Variants in HIBADH observed in about 807,000 individuals in gnomAD.
HIBADH encodes the protein 3-hydroxyisobutyrate dehydrogenase, mitochondrial.
Under a neutral mutation model 36.1 loss-of-function variants are expected in HIBADH, and 25 were observed. That is an observed-to-expected ratio of 0.69 (90% CI 0.50 to 0.97). HIBADH has a LOEUF of 0.97. HIBADH is among the 50% of genes least tolerant of loss of function. The pLI is 0.00. For missense variants in HIBADH, 421 were observed against 418.0 expected (o/e 1.01, Z -0.06); for synonymous variants, 160 against 149.5 (o/e 1.07, Z -0.51).
At chr7:27,527,523 T>G (rs956183684) in intron 7 of HIBADH, among the ~76,000 whole-genome samples, 4 of 152,234 alleles carry the variant, frequency 2.6e-5, no homozygotes, top group African/African-American at 9.6e-5. Flanking sequence ...TATGGGCACA[T>G]CTTGTCTTAG....
At chr7:27,615,198 A>G (rs887303622) in intron 4 of HIBADH, among the ~76,000 whole-genome samples, 4 of 152,174 alleles carry the variant, frequency 2.6e-5, no homozygotes, top group Non-Finnish European at 5.9e-5. Context: ...ATCCCTTCTG[A>G]TAACTATGAC....
chr7:27,542,438 GTTTTTTTTTTTTTTTT>G (rs150575250), intron 5 of HIBADH, among the ~76,000 whole-genome samples: 1 of 68,156 alleles, frequency 1.5e-5, no homozygotes, highest in South Asian at 6.5e-4. Flanking sequence ...TTTTTTTCCC[GTTTTTTTTTTTTTTTT>G]TTTTTTTTTT....
rs3072856 is a variant in HIBADH at position 27,555,302 on chromosome 7, CTTT to C, written c.485-12205_485-12203del. Among the ~76,000 whole-genome samples the C allele has an allele frequency of 3.2e-3, 413 of 127,406 alleles. 2 individuals carry two copies. Among genetic ancestry groups the C allele is most frequent in the African/African-American group, 0.011 (372 of 33,526 alleles). The allele number at this position is 127,406 out of a possible 152,430, so 83.6% of individuals were successfully genotyped here. On this transcript the variant is annotated intron_variant, in intron 4 of 7. Coordinates refer to ENST00000265395, the MANE Select transcript of HIBADH (RefSeq NM_152740.4). ...AGCAAAAGGAACATTTCTTGCTCTA[CTTT>C]TTTTTTTTTTTTTTTTTTAAATAAA...
At chr7:27,582,670 C>A (rs1784810232) in intron 4 of HIBADH, among the ~76,000 whole-genome samples, 1 of 152,070 alleles carries the variant, frequency 6.6e-6, no homozygotes, top group Admixed American at 6.6e-5. Flanking sequence ...GTGTATGGGA[C>A]TTTATCCAGG....
intron 4 of HIBADH, among the ~76,000 whole-genome samples, chr7:27,621,517 C>T (rs1324915936): frequency 2.6e-5 from 4 of 152,122 alleles, no homozygotes; most frequent in African/African-American, 9.7e-5. Flanking sequence ...AACAGCCAGG[C>T]GCAGTGGCTC....
chr7:27,595,840 A>T (rs898826115), intron 4 of HIBADH, among the ~76,000 whole-genome samples: 2 of 152,152 alleles, frequency 1.3e-5, no homozygotes, highest in Non-Finnish European at 2.9e-5. Flanking sequence ...ATCACTTTTT[A>T]AAAAGGCAAA....
chr7:27,573,957 A>C (rs1784665944), intron 4 of HIBADH, among the ~76,000 whole-genome samples: 1 of 152,208 alleles, frequency 6.6e-6, no homozygotes, highest in African/African-American at 2.4e-5. Context: ...AAAAAATTTT[A>C]AATTACACAT....
chr7:27,597,778 A>G (rs1019617270), intron 4 of HIBADH, among the ~76,000 whole-genome samples: 1 of 152,224 alleles, frequency 6.6e-6, no homozygotes, highest in African/African-American at 2.4e-5. Flanking sequence ...GATAGAAAAT[A>G]AAATATAAAG....
intron 1 of HIBADH, among the ~76,000 whole-genome samples, chr7:27,657,712 A>G (rs539049983): frequency 1.3e-5 from 2 of 152,280 alleles, no homozygotes; most frequent in South Asian, 2.1e-4. Flanking sequence ...TCAAAAGAGA[A>G]TAAGTTATCT....
At chr7:27,541,767 A>T (rs1420328262) in intron 5 of HIBADH, 1 of 423,812 alleles carries the variant, frequency 2.4e-6, no homozygotes. Flanking sequence ...TAAACATGAT[A>T]AAAAAATACA....
At chr7:27,594,135 G>A (rs1442331731) in intron 4 of HIBADH, among the ~76,000 whole-genome samples, 1 of 62,306 alleles carries the variant, frequency 1.6e-5, no homozygotes, top group Admixed American at 1.5e-4. Context: ...GTTACATAAA[G>A]ATGTTTTTGT....
intron 4 of HIBADH, among the ~76,000 whole-genome samples, chr7:27,608,433 A>G (rs763046558): frequency 1.4e-4 from 21 of 152,344 alleles, no homozygotes; most frequent in Non-Finnish European, 2.9e-4. Context: ...TGGCAAATAC[A>G]TAGAAAGACA....
intron 4 of HIBADH, among the ~76,000 whole-genome samples, chr7:27,608,096 A>G (rs200865319): frequency 7.9e-5 from 12 of 152,336 alleles, no homozygotes; most frequent in African/African-American, 2.6e-4. Flanking sequence ...TAGAGGCTGT[A>G]GTAGATAAAC....
chr7:27,581,875 GCTT>G (rs1382326323), intron 4 of HIBADH, among the ~76,000 whole-genome samples: 17 of 151,588 alleles, frequency 1.1e-4, no homozygotes, highest in African/African-American at 4.1e-4. Context: ...AATGGATTTA[GCTT>G]CTTGTGTTTT....
intron 4 of HIBADH, among the ~76,000 whole-genome samples, chr7:27,615,385 A>G (rs1583598940): frequency 6.6e-6 from 1 of 152,228 alleles, no homozygotes; most frequent in East Asian, 1.9e-4. Flanking sequence ...TTTTCCATCT[A>G]TAAAATGTTA....
intron 4 of HIBADH, among the ~76,000 whole-genome samples, chr7:27,588,298 G>A (rs1784891765): frequency 6.6e-6 from 1 of 152,072 alleles, no homozygotes; most frequent in African/African-American, 2.4e-5. Flanking sequence ...TAAATACAAG[G>A]CAAGAAGTTT....
intron 4 of HIBADH, among the ~76,000 whole-genome samples, chr7:27,619,207 A>G (rs1011473429): frequency 2.6e-5 from 4 of 152,214 alleles, no homozygotes; most frequent in African/African-American, 9.6e-5. Flanking sequence ...AAAGCTATTT[A>G]CAGCCAAGGA....
chr7:27,647,213 G>A (rs1043022748), intron 2 of HIBADH, among the ~76,000 whole-genome samples: 4 of 152,176 alleles, frequency 2.6e-5, no homozygotes, highest in African/African-American at 9.7e-5. Flanking sequence ...AGTGACTAAT[G>A]GGCCAGGGAG....
chr7:27,623,205 T>A (rs1363651429), intron 4 of HIBADH, among the ~76,000 whole-genome samples: 1 of 152,034 alleles, frequency 6.6e-6, no homozygotes, highest in Non-Finnish European at 1.5e-5. Context: ...AAATTCCACA[T>A]CCCTTCATAA....
Sources: gnomAD v4.1 joint callset for allele counts (sites outside exome capture counted in the v4.1 genomes callset) on GRCh38, gnomAD v4.1.1 for gene constraint, MANE v1.5 for transcripts, NCBI Gene and HGNC (gene_info 2026-07-23, HGNC 2026-07-21) for gene names.